FRMD6: variants seen among roughly 807,000 people sequenced by gnomAD.
FRMD6 encodes FERM domain containing 6, also known as FERM domain-containing protein 6.
A neutral mutation model predicts 73.2 loss-of-function variants in FRMD6; 37 were observed. That is an observed-to-expected ratio of 0.51 (90% CI 0.39 to 0.66). FRMD6 has a LOEUF of 0.66. Among genes scored for constraint, FRMD6 ranks in the 30% least tolerant of loss-of-function variants. The pLI is 0.00. For missense variants in FRMD6, 714 were observed against 780.5 expected, an observed-to-expected ratio of 0.91 and a Z score of 1.02; for synonymous variants, 273 against 282.2, an observed-to-expected ratio of 0.97 and a Z score of 0.33.
intron 2 of FRMD6, among the ~76,000 whole-genome samples, chr14:51,574,569 G>A (rs1888306572): frequency 6.6e-6 from 1 of 152,090 alleles, no homozygotes; most frequent in African/African-American, 2.4e-5. Context: ...CCAGGCACAG[G>A]AAGACAAACT....
chr14:51,561,431 T>A (rs1887474255), intron 1 of FRMD6, among the ~76,000 whole-genome samples: 1 of 152,214 alleles, frequency 6.6e-6, no homozygotes, highest in Non-Finnish European at 1.5e-5. Flanking sequence ...CTGCTGTGGC[T>A]AAGCACTAAG....
At chr14:51,625,692 C>A (rs1407155756) in intron 2 of FRMD6, among the ~76,000 whole-genome samples, 1 of 152,176 alleles carries the variant, frequency 6.6e-6, no homozygotes, top group Admixed American at 6.5e-5. Context: ...CACGCTCATT[C>A]CAAGCTGGAG....
At chr14:51,453,027 A>C in the FRMD6 span, among the ~76,000 whole-genome samples, 2 of 152,180 alleles carry the variant, frequency 1.3e-5, no homozygotes, top group African/African-American at 4.8e-5. Flanking sequence ...ATCATCTGAG[A>C]AGCTTGAGGA....
At chr14:51,588,619 TG>T (rs1293693215) in intron 2 of FRMD6, among the ~76,000 whole-genome samples, 1 of 152,210 alleles carries the variant, frequency 6.6e-6, no homozygotes, top group Non-Finnish European at 1.5e-5. Flanking sequence ...TCAGCTTGAA[TG>T]CTCACATGAG....
chr14:51,612,755 A>C (rs1394040295), intron 2 of FRMD6, among the ~76,000 whole-genome samples: 1 of 152,230 alleles, frequency 6.6e-6, no homozygotes, highest in Non-Finnish European at 1.5e-5. Flanking sequence ...AAAGATCTGC[A>C]CAAACAAGAC....
the FRMD6 span, among the ~76,000 whole-genome samples, chr14:51,418,727 G>C: frequency 6.6e-5 from 10 of 152,230 alleles, no homozygotes; most frequent in Non-Finnish European, 1.5e-4. Context: ...AGACAGGGAC[G>C]TTTAAGTCTG....
chr14:51,435,392 G>A, the FRMD6 span, among the ~76,000 whole-genome samples: 55 of 150,590 alleles, frequency 3.7e-4, no homozygotes, highest in Non-Finnish European at 4.7e-4. Flanking sequence ...CCTGGCCTGG[G>A]CAACATGGCG....
intron 1 of FRMD6, among the ~76,000 whole-genome samples, chr14:51,657,266 A>G (rs1892900831): frequency 6.6e-6 from 1 of 152,044 alleles, no homozygotes; most frequent in African/African-American, 2.4e-5. Context: ...TTACTGAATT[A>G]TACACAACCA....
the FRMD6 span, among the ~76,000 whole-genome samples, chr14:51,457,813 G>A: frequency 6.6e-6 from 1 of 152,192 alleles, no homozygotes; most frequent in Non-Finnish European, 1.5e-5. Flanking sequence ...TATGTGTTAG[G>A]AGGCTGTGAC....
chr14:51,552,196 A>G (rs1041873390), intron 1 of FRMD6, among the ~76,000 whole-genome samples: 1 of 152,236 alleles, frequency 6.6e-6, no homozygotes, highest in Non-Finnish European at 1.5e-5. Flanking sequence ...ATGGAAAAAA[A>G]GCCTCATTTA....
At chr14:51,592,723 G>A (rs1889465919) in intron 2 of FRMD6, among the ~76,000 whole-genome samples, 1 of 152,152 alleles carries the variant, frequency 6.6e-6, no homozygotes, top group Non-Finnish European at 1.5e-5. Flanking sequence ...CAGCCTTAGA[G>A]CCTTAACACA....
the FRMD6 span, among the ~76,000 whole-genome samples, chr14:51,471,376 C>T: frequency 6.6e-6 from 1 of 151,926 alleles, no homozygotes; most frequent in East Asian, 1.9e-4. Flanking sequence ...TGGCAGGCGC[C>T]TGTAGTCCCA....
chr14:51,605,684 G>A (rs997233477), intron 2 of FRMD6, among the ~76,000 whole-genome samples: 2 of 152,144 alleles, frequency 1.3e-5, no homozygotes, highest in African/African-American at 4.8e-5. Context: ...TACAGGATTA[G>A]CTTTCTATTG....
chr14:51,601,952 G>A (rs1361789472), intron 2 of FRMD6, among the ~76,000 whole-genome samples: 2 of 152,174 alleles, frequency 1.3e-5, no homozygotes, highest in Non-Finnish European at 2.9e-5. Context: ...CAGTAGATAA[G>A]TCATCTTAGC....
chr14:51,641,729 G>A (rs1346686060), intron 2 of FRMD6, among the ~76,000 whole-genome samples: 2 of 152,078 alleles, frequency 1.3e-5, no homozygotes, highest in African/African-American at 2.4e-5. Flanking sequence ...TCACCCTTTC[G>A]ATCAGTGGCT....
chr14:51,727,972 C>T lies in FRMD6; in HGVS notation c.1812C>T (p.Thr604=). 2.5e-6 allele frequency: 4 copies of T among 1,613,730 alleles called. No individual in the cohort carries two copies. The highest frequency in any genetic ancestry group is 3.4e-6 in the Non-Finnish European group (4 of 1,179,658). Residue 604 remains threonine, a synonymous_variant, in exon 14 of 14, where the codon ACC becomes ACT. Transcript: ENST00000344768. ...AAGATGCTTTTCCAGTCAAAAGAACCAGCAAATACTTTTCTCTGGATCTCA... is the reference window on the plus strand; with the variant it reads ...AAGATGCTTTTCCAGTCAAAAGAACTAGCAAATACTTTTCTCTGGATCTCA... ...NIQDAFPVKR[T]SKYFSLDLTH...
chr14:51,401,464 A>G, the FRMD6 span, among the ~76,000 whole-genome samples: 1 of 152,196 alleles, frequency 6.6e-6, no homozygotes, highest in African/African-American at 2.4e-5. Flanking sequence ...TGTAGCAACA[A>G]GTTCCTTGGG....
chr14:51,414,506 G>T, the FRMD6 span, among the ~76,000 whole-genome samples: 1 of 148,702 alleles, frequency 6.7e-6, no homozygotes, highest in Non-Finnish European at 1.5e-5. Flanking sequence ...CTTTTCCATT[G>T]GTCTATATCT....
Position 51,701,162 on chromosome 14 carries a change from G to T in FRMD6, c.294+3G>T. The T allele has an allele frequency of 6.6e-7, 1 of 1,516,902 alleles. No individual in the cohort carries two copies. The highest frequency in any genetic ancestry group is 9.0e-7 in the Non-Finnish European group (1 of 1,117,084). 94.0% of individuals were successfully genotyped at this position (1,516,902 alleles called of 1,614,324 possible). The stretch of plus-strand genomic sequence containing the variant: ...TACGACAATACGAAGTCACTTGGGT[G>T]AGATTACATTTATAAGCAAAATTAT... On this transcript the variant is annotated splice_donor_region_variant and intron_variant, in intron 4 of 13. Transcript: ENST00000344768.
Sources: allele counts gnomAD v4.1 joint callset (sites outside exome capture counted in the v4.1 genomes callset), GRCh38; gene constraint gnomAD v4.1.1; transcripts MANE v1.5; gene names NCBI Gene and HGNC (gene_info 2026-07-23, HGNC 2026-07-21).